Variants in TSNARE1 observed in about 807,000 individuals in gnomAD.
TSNARE1 encodes the protein t-SNARE domain-containing protein 1.
TSNARE1 carries 49 observed loss-of-function variants against 62.0 expected under a neutral mutation model. That is an observed-to-expected ratio of 0.79 (90% CI 0.63 to 1.00). The LOEUF (loss-of-function observed/expected upper bound fraction) is 1.00. TSNARE1 is among the 50% of genes least tolerant of loss of function. The pLI is 0.00. For synonymous variants in TSNARE1, 328 were observed against 294.4 expected (o/e 1.11, Z -1.17); for missense variants, 755 against 700.1 (o/e 1.08, Z -0.88).
At chr8:142,330,401 G>A (rs1334831003) in intron 6 of TSNARE1, among the ~76,000 whole-genome samples, 1 of 152,206 alleles carries the variant, frequency 6.6e-6, no homozygotes, top group Non-Finnish European at 1.5e-5. Flanking sequence ...CTCAAGGAAA[G>A]TCCAGTGGGA....
intron 13 of TSNARE1, among the ~76,000 whole-genome samples, chr8:142,219,411 G>A (rs76094543): frequency 0.016 from 2,396 of 152,244 alleles, 57 homozygotes; most frequent in African/African-American, 0.053. Context: ...CCTGCAGGTC[G>A]GGTCCCGGTA....
At chr8:142,273,875 G>A in intron 12 of TSNARE1, 1 of 985,318 alleles carries the variant, frequency 1.0e-6, no homozygotes, top group Non-Finnish European at 1.2e-6. Flanking sequence ...CCAGCGTCCT[G>A]GGGATGTGGC....
intron 1 of TSNARE1, among the ~76,000 whole-genome samples, chr8:142,397,663 G>A (rs1837989099): frequency 1.3e-5 from 2 of 152,216 alleles, no homozygotes; most frequent in African/African-American, 2.4e-5. Flanking sequence ...AGGCTCCCAG[G>A]CCAGCGTGAG....
At chr8:142,365,602 G>GCGCACGCA (rs149020570) in intron 1 of TSNARE1, among the ~76,000 whole-genome samples, 4 of 144,402 alleles carry the variant, frequency 2.8e-5, no homozygotes, top group Admixed American at 6.9e-5. Context: ...ACATGCACAC[G>GCGCACGCA]CACACACACA....
chr8:142,281,600 C>CA (rs1457132417), intron 11 of TSNARE1, among the ~76,000 whole-genome samples: 1 of 152,034 alleles, frequency 6.6e-6, no homozygotes, highest in Non-Finnish European at 1.5e-5. Flanking sequence ...GAACTGGACA[C>CA]AGTCACCCCA....
intron 1 of TSNARE1, among the ~76,000 whole-genome samples, chr8:142,356,911 T>C (rs937605168): frequency 1.3e-5 from 2 of 151,656 alleles, no homozygotes. Context: ...ACAAAGGCTG[T>C]GTTAACAGCC....
intron 9 of TSNARE1, among the ~76,000 whole-genome samples, chr8:142,305,229 AGCTG>A (rs1351633473): frequency 1.3e-5 from 2 of 151,776 alleles, no homozygotes; most frequent in African/African-American, 4.8e-5. Flanking sequence ...GCTCCCCAGG[AGCTG>A]TGGGCAGAGG....
intron 12 of TSNARE1, 141 bp from the exon 13 acceptor site, chr8:142,229,720 C>G: frequency 3.0e-6 from 2 of 676,100 alleles, no homozygotes; most frequent in Non-Finnish European, 5.2e-6. Context: ...GAACCTGTGT[C>G]TTTCAAGGGG....
intron 11 of TSNARE1, chr8:142,278,260 C>T (rs1249200316): frequency 2.0e-6 from 2 of 985,358 alleles, no homozygotes; most frequent in Non-Finnish European, 2.4e-6. Context: ...CCACTCTGCC[C>T]ATGGGTCCCA....
intron 12 of TSNARE1, among the ~76,000 whole-genome samples, chr8:142,240,075 T>A (rs1385563650): frequency 6.6e-6 from 1 of 152,212 alleles, no homozygotes; most frequent in Non-Finnish European, 1.5e-5. Context: ...GGGATTTTTT[T>A]AAATCCAGCT....
At chr8:142,354,587 C>A in intron 2 of TSNARE1, 50 bp downstream of exon 2, 1 of 1,331,018 alleles carries the variant, frequency 7.5e-7, no homozygotes, top group Non-Finnish European at 1.1e-6. Flanking sequence ...TCCTACCCTA[C>A]CCACTACCAT....
Position 142,284,411 on chromosome 8 carries a change from AC to A in TSNARE1, c.1363+1del. On this transcript the variant is annotated splice_donor_variant, in intron 11 of 13. Transcript: ENST00000524325. LOFTEE classifies it high-confidence loss of function. Reference sequence around the variant, plus strand: ...TGGCCCGAGGCTGGGGCGGGTACCCACCAACAGCTTCTCCTTGCTCTGACAC... The same window carrying A: ...TGGCCCGAGGCTGGGGCGGGTACCCACAACAGCTTCTCCTTGCTCTGACAC... 10 of 1,612,524 alleles carry A rather than the reference AC, an allele frequency of 6.2e-6. No individual in the cohort carries two copies. The highest frequency in any genetic ancestry group is 8.5e-6 in the Non-Finnish European group (10 of 1,179,508).
intron 12 of TSNARE1, among the ~76,000 whole-genome samples, chr8:142,244,953 C>T (rs1460233875): frequency 6.6e-6 from 1 of 152,242 alleles, no homozygotes; most frequent in African/African-American, 2.4e-5. Context: ...GCCCACGCAC[C>T]TGTGTGCAGA....
intron 7 of TSNARE1, 23 bp from the exon 8 acceptor site, chr8:142,315,115 AC>A (rs1299357468): frequency 1.2e-6 from 2 of 1,613,374 alleles, no homozygotes; most frequent in Admixed American, 3.3e-5. Context: ...TACAGCTGGC[AC>A]GGCATGGGAG....
intron 13 of TSNARE1, among the ~76,000 whole-genome samples, chr8:142,224,220 G>A (rs557057701): frequency 4.6e-5 from 7 of 152,334 alleles, no homozygotes; most frequent in South Asian, 4.1e-4. Flanking sequence ...TGGGAAAAGG[G>A]GAGGCTCCAA....
intron 1 of TSNARE1, among the ~76,000 whole-genome samples, chr8:142,394,796 C>A (rs1249267163): frequency 2.6e-5 from 4 of 152,174 alleles, no homozygotes; most frequent in African/African-American, 7.2e-5. Context: ...ACTCCCCACG[C>A]CCCAGCTGCC....
chr8:142,277,646 G>A (rs1046238313), intron 11 of TSNARE1: 27 of 985,318 alleles, frequency 2.7e-5, no homozygotes, highest in South Asian at 4.7e-5. Flanking sequence ...AATTCAACAC[G>A]TCAGTTGCTG....
chr8:142,330,532 C>T (rs1830863230), intron 6 of TSNARE1, among the ~76,000 whole-genome samples: 1 of 152,238 alleles, frequency 6.6e-6, no homozygotes. Flanking sequence ...GCTGAGCAGG[C>T]CCCAACAGGG....
chr8:142,380,892 G>T (rs116862452), intron 1 of TSNARE1, among the ~76,000 whole-genome samples: 8 of 151,956 alleles, frequency 5.3e-5, no homozygotes, highest in Admixed American at 2.0e-4. Context: ...AATAATAAAG[G>T]GGGGGGAATG....
Sources: allele counts gnomAD v4.1 joint callset (sites outside exome capture counted in the v4.1 genomes callset), GRCh38; gene constraint gnomAD v4.1.1; transcripts MANE v1.5; gene names NCBI Gene and HGNC (gene_info 2026-07-23, HGNC 2026-07-21).